DRC8: variants seen among roughly 807,000 people sequenced by gnomAD.
The protein encoded by DRC8 is dynein regulatory complex subunit 8.
At chr1:245,017,475 G>T in the DRC8 span, 1 of 787,234 alleles carries the variant, frequency 1.3e-6, no homozygotes, top group Non-Finnish European at 1.9e-6. Flanking sequence ...AAAGGTCTTT[G>T]CTAGCTATTG....
At chr1:244,997,162 C>T in the DRC8 span, among the ~76,000 whole-genome samples, 4 of 152,132 alleles carry the variant, frequency 2.6e-5, no homozygotes, top group Admixed American at 2.0e-4. Flanking sequence ...CATGGGTGTA[C>T]AGAGGGCTGA....
the DRC8 span, among the ~76,000 whole-genome samples, chr1:245,018,810 T>G: frequency 6.6e-6 from 1 of 152,132 alleles, no homozygotes; most frequent in Non-Finnish European, 1.5e-5. Flanking sequence ...ATTACCTCAT[T>G]TTAATCTTTT....
chr1:244,970,366 C>A, the DRC8 span: 1 of 1,530,190 alleles, frequency 6.5e-7, no homozygotes, highest in East Asian at 2.5e-5. Flanking sequence ...GGCCGGGACA[C>A]CGCGGCCGAG....
the DRC8 span, among the ~76,000 whole-genome samples, chr1:245,119,882 T>G: frequency 4.1e-3 from 604 of 148,050 alleles, 1 homozygote; most frequent in African/African-American, 0.013. Context: ...GCAGTGAGCC[T>G]AGATCATGCA....
At chr1:245,084,052 TA>T in the DRC8 span, among the ~76,000 whole-genome samples, 6 of 91,840 alleles carry the variant, frequency 6.5e-5, no homozygotes, top group East Asian at 3.0e-4. Flanking sequence ...ATAAAGAATA[TA>T]AAAATTCCGC....
chr1:245,009,106 G>A, the DRC8 span, among the ~76,000 whole-genome samples: 1 of 125,348 alleles, frequency 8.0e-6, no homozygotes, highest in African/African-American at 3.1e-5. Context: ...CACCACCTCA[G>A]CTCACTGCAA....
At chr1:245,072,624 A>G in the DRC8 span, among the ~76,000 whole-genome samples, 1 of 152,196 alleles carries the variant, frequency 6.6e-6, no homozygotes, top group Non-Finnish European at 1.5e-5. Flanking sequence ...CACCCATTGA[A>G]TGTACAACAC....
chr1:245,118,838 A>AAGAAAAGAAAAGAAAAGAAAAGAAAAG, the DRC8 span, among the ~76,000 whole-genome samples: 1 of 151,956 alleles, frequency 6.6e-6, no homozygotes, highest in African/African-American at 2.4e-5. Context: ...AAGAAAAGAA[A>AAGAAAAGAAAAGAAAAGAAAAGAAAAG]AAAATAATGA....
the DRC8 span, among the ~76,000 whole-genome samples, chr1:245,016,133 C>A: frequency 6.6e-6 from 1 of 151,972 alleles, no homozygotes; most frequent in African/African-American, 2.4e-5. Flanking sequence ...AGTTATGCGC[C>A]ACCATGCCTG....
the DRC8 span, among the ~76,000 whole-genome samples, chr1:245,117,987 CT>C: frequency 6.6e-6 from 1 of 151,946 alleles, no homozygotes; most frequent in South Asian, 2.1e-4. Flanking sequence ...AATAAATACG[CT>C]TAAAATGGGA....
At chr1:244,970,516 G>C in the DRC8 span, 2 of 1,501,760 alleles carry the variant, frequency 1.3e-6, no homozygotes, top group South Asian at 2.4e-5. Flanking sequence ...GGAAGCGCCG[G>C]GTGGGGTGGG....
At chr1:245,083,661 G>A in the DRC8 span, 22 of 1,610,958 alleles carry the variant, frequency 1.4e-5, no homozygotes, top group East Asian at 2.2e-5. Context: ...TACTAAGGAC[G>A]AGCTGATCAA....
At chr1:245,120,267 T>C in the DRC8 span, among the ~76,000 whole-genome samples, 1 of 152,332 alleles carries the variant, frequency 6.6e-6, no homozygotes, top group East Asian at 1.9e-4. Flanking sequence ...AGCATCCTTA[T>C]GCGCCCTTCA....
the DRC8 span, among the ~76,000 whole-genome samples, chr1:245,052,543 A>G: frequency 1.3e-5 from 2 of 152,240 alleles, no homozygotes; most frequent in Non-Finnish European, 2.9e-5. Context: ...TGTGGCGGGC[A>G]GCTTGTTACA....
chr1:245,028,849 A>G, the DRC8 span, among the ~76,000 whole-genome samples: 37 of 152,366 alleles, frequency 2.4e-4, no homozygotes, highest in Non-Finnish European at 5.0e-4. Context: ...GGATCACTCC[A>G]GATTCTAGCC....
At chr1:244,994,171 C>T in the DRC8 span, among the ~76,000 whole-genome samples, 2 of 152,186 alleles carry the variant, frequency 1.3e-5, no homozygotes, top group African/African-American at 4.8e-5. Context: ...TACATGTTTA[C>T]AGCTAAGCAG....
At chr1:244,980,040 T>TAAAGAAAAAAAAAAAA in the DRC8 span, among the ~76,000 whole-genome samples, 1 of 34,758 alleles carries the variant, frequency 2.9e-5, no homozygotes, top group Non-Finnish European at 4.7e-5. Flanking sequence ...CCGTCTCTAC[T>TAAAGAAAAAAAAAAAA]AAAAAAAAAA....
At chr1:245,109,227 G>A in the DRC8 span, among the ~76,000 whole-genome samples, 4 of 152,182 alleles carry the variant, frequency 2.6e-5, no homozygotes, top group East Asian at 7.7e-4. Context: ...TTCTGTAGCA[G>A]TTCATTCCCC....
the DRC8 span, among the ~76,000 whole-genome samples, chr1:245,079,632 G>GA: frequency 6.6e-6 from 1 of 152,178 alleles, no homozygotes. Context: ...TTCGTAGCTT[G>GA]ATCAGGGTGC....
Sources: gnomAD v4.1 joint callset for allele counts (sites outside exome capture counted in the v4.1 genomes callset) on GRCh38, gnomAD v4.1.1 for gene constraint, MANE v1.5 for transcripts, NCBI Gene and HGNC (gene_info 2026-07-23, HGNC 2026-07-21) for gene names.